Variants in LRCH1 observed in about 807,000 individuals in gnomAD.
LRCH1 encodes leucine-rich repeat and calponin homology domain-containing protein 1.
In LRCH1, 23 loss-of-function variants were observed where a neutral mutation model predicts 94.9. That is an observed-to-expected ratio of 0.24 (90% CI 0.17 to 0.34). The LOEUF (loss-of-function observed/expected upper bound fraction) is 0.34. Among genes scored for constraint, LRCH1 ranks in the 10% least tolerant of loss-of-function variants. The pLI is 1.00. For synonymous variants in LRCH1, 364 were observed against 354.9 expected (o/e 1.03, Z -0.29); for missense variants, 790 against 945.9 (o/e 0.84, Z 2.16).
intron 1 of LRCH1, among the ~76,000 whole-genome samples, chr13:46,582,755 C>G (rs2050387894): frequency 6.7e-6 from 1 of 149,114 alleles, no homozygotes; most frequent in Non-Finnish European, 1.5e-5. Context: ...CTTGCCTCGG[C>G]CTCCCAGAGT....
At chr13:46,576,116 G>A (rs548631311) in intron 1 of LRCH1, among the ~76,000 whole-genome samples, 2 of 152,264 alleles carry the variant, frequency 1.3e-5, no homozygotes, top group Admixed American at 1.3e-4. Context: ...GCAGGCTTGA[G>A]GCTTGCTGGC....
At chr13:46,656,677 G>A (rs181274003) in intron 2 of LRCH1, among the ~76,000 whole-genome samples, 13 of 152,348 alleles carry the variant, frequency 8.5e-5, no homozygotes, top group East Asian at 3.9e-4. Flanking sequence ...GCATACGCAC[G>A]GCCAACCATG....
intron 2 of LRCH1, among the ~76,000 whole-genome samples, chr13:46,661,305 G>C (rs2051444903): frequency 2.0e-5 from 3 of 152,194 alleles, no homozygotes; most frequent in Admixed American, 2.0e-4. Flanking sequence ...TTTTGTGTCT[G>C]AAAAGTGGGA....
At chr13:46,610,263 G>A (rs138988917) in intron 1 of LRCH1, among the ~76,000 whole-genome samples, 16 of 152,178 alleles carry the variant, frequency 1.1e-4, no homozygotes, top group Middle Eastern at 3.4e-3. Context: ...ACACATAATT[G>A]TATGTGATCG....
chr13:46,734,979 CT>C lies in LRCH1; in HGVS notation c.2085+989del, dbSNP rs373257127. Among the ~76,000 whole-genome samples the C allele has an allele frequency of 3.9e-5, 6 of 151,992 alleles. No individual in the cohort carries two copies. In the East Asian group the frequency reaches 9.7e-4, roughly 24 times the overall value. On this transcript the variant is annotated intron_variant, in intron 19 of 19. Coordinates refer to ENST00000389797, the MANE Select transcript of LRCH1 (RefSeq NM_001164211.2). The stretch of plus-strand genomic sequence containing the variant: ...CCTTTTCTCTCTCCATCCTTCCTTC[CT>C]TTTTTTTCCTTTCTTCCTTTCTTTC...
intron 8 of LRCH1, among the ~76,000 whole-genome samples, chr13:46,693,139 T>C (rs1871001653): frequency 6.6e-6 from 1 of 152,102 alleles, no homozygotes; most frequent in Non-Finnish European, 1.5e-5. Flanking sequence ...GCCCGGCTAA[T>C]TCTTTAAATC....
intron 1 of LRCH1, among the ~76,000 whole-genome samples, chr13:46,572,753 G>A (rs754640880): frequency 4.6e-5 from 7 of 151,992 alleles, no homozygotes; most frequent in South Asian, 2.1e-4. Flanking sequence ...GCCACATTTC[G>A]TAAACTTAAG....
chr13:46,569,819 C>T (rs2050222635), intron 1 of LRCH1, among the ~76,000 whole-genome samples: 1 of 152,144 alleles, frequency 6.6e-6, no homozygotes, highest in Non-Finnish European at 1.5e-5. Context: ...GTCTTCATTG[C>T]ACTTGCCAAA....
intron 1 of LRCH1, among the ~76,000 whole-genome samples, chr13:46,582,146 T>C (rs2050374653): frequency 1.9e-5 from 1 of 52,310 alleles, no homozygotes; most frequent in Non-Finnish European, 3.2e-5. Context: ...AGAGACTCCA[T>C]CTCAAAAAAA....
chr13:46,667,454 C>T (rs1229892679), intron 2 of LRCH1, among the ~76,000 whole-genome samples: 1 of 144,356 alleles, frequency 6.9e-6, no homozygotes, highest in Non-Finnish European at 1.5e-5. Flanking sequence ...CATGTTCTCA[C>T]TCATAGGTGG....
At chr13:46,582,527 C>T (rs1367701270) in intron 1 of LRCH1, among the ~76,000 whole-genome samples, 1 of 149,894 alleles carries the variant, frequency 6.7e-6, no homozygotes, top group Non-Finnish European at 1.5e-5. Flanking sequence ...TCTGTCACTC[C>T]CTGCTGGAGT....
intron 4 of LRCH1, 34 bp downstream of exon 4, chr13:46,681,880 G>C (rs1295999461): frequency 2.2e-6 from 3 of 1,350,188 alleles, no homozygotes; most frequent in Non-Finnish European, 3.2e-6. Flanking sequence ...AAGAAAATGG[G>C]AGACTTGCAT....
chr13:46,733,859 C>A, intron 18 of LRCH1, 62 bp from the exon 19 acceptor site: 1 of 1,003,384 alleles, frequency 1.0e-6, no homozygotes, highest in Non-Finnish European at 1.5e-6. Flanking sequence ...TAAAATTTAA[C>A]ATGTTATTAA....
intron 2 of LRCH1, among the ~76,000 whole-genome samples, chr13:46,660,376 A>G (rs1015067493): frequency 6.6e-6 from 1 of 152,024 alleles, no homozygotes; most frequent in Non-Finnish European, 1.5e-5. Context: ...ATCTGCTGCC[A>G]CAGCACTTTA....
rs2138219515 is a variant in LRCH1 at position 46,723,361 on chromosome 13, G to A, written c.1869+31G>A. On this transcript the variant is annotated intron_variant, in intron 17 of 19. Transcript: ENST00000389797. Reference sequence around the variant, plus strand: ...CAAGAAATATTATGTAACTAAAGGAGAATTTAAGCAACATTCTACATTTTT... The same window carrying A: ...CAAGAAATATTATGTAACTAAAGGAAAATTTAAGCAACATTCTACATTTTT... 2.8e-6 allele frequency: 4 copies of A among 1,416,040 alleles called. No individual in the cohort carries two copies. In the South Asian group the frequency reaches 4.7e-5, roughly 17 times the overall value. The allele number at this position is 1,416,040 out of a possible 1,614,324, so 87.7% of individuals were successfully genotyped here.
chr13:46,681,029 A>G (rs1394961809), intron 3 of LRCH1, among the ~76,000 whole-genome samples: 88 of 152,324 alleles, frequency 5.8e-4, no homozygotes, highest in Non-Finnish European at 4.4e-5. Context: ...GATATAGAAG[A>G]TTATAAATGT....
intron 3 of LRCH1, among the ~76,000 whole-genome samples, chr13:46,671,523 T>C (rs567702987): frequency 6.6e-6 from 1 of 152,304 alleles, no homozygotes; most frequent in African/African-American, 2.4e-5. Context: ...TGAATGGGGC[T>C]GAGGGGGCAG....
At chr13:46,709,894 G>A (rs1871968695) in intron 13 of LRCH1, among the ~76,000 whole-genome samples, 1 of 152,180 alleles carries the variant, frequency 6.6e-6, no homozygotes, top group Admixed American at 6.5e-5. Flanking sequence ...AAAGAAAAGA[G>A]AGTAGTGAAT....
At chr13:46,615,004 A>G (rs990072495) in intron 1 of LRCH1, among the ~76,000 whole-genome samples, 1 of 152,208 alleles carries the variant, frequency 6.6e-6, no homozygotes, top group Non-Finnish European at 1.5e-5. Flanking sequence ...TTTTAGGGCT[A>G]TCACTGGATC....
Sources: allele counts gnomAD v4.1 joint callset (sites outside exome capture counted in the v4.1 genomes callset), GRCh38; gene constraint gnomAD v4.1.1; transcripts MANE v1.5; gene names NCBI Gene and HGNC (gene_info 2026-07-23, HGNC 2026-07-21).